The following GABRA2 variants were observed in gnomAD, a reference collection of about 807,000 sequenced individuals.
GABRA2 encodes gamma-aminobutyric acid receptor subunit alpha-2.
A neutral mutation model predicts 48.7 loss-of-function variants in GABRA2; 16 were observed. The observed-to-expected ratio is 0.33, with a 90% CI of 0.22 to 0.50. GABRA2 has a LOEUF of 0.50. Among genes scored for constraint, GABRA2 ranks in the 20% least tolerant of loss-of-function variants. GABRA2 has a pLI of 0.98. For synonymous variants in GABRA2, 185 were observed against 184.5 expected (o/e 1.00, Z -0.02); for missense variants, 275 against 535.6 (o/e 0.51, Z 4.80).
At chr4:46,278,568 A>G (rs1720938223) in intron 8 of GABRA2, among the ~76,000 whole-genome samples, 1 of 152,160 alleles carries the variant, frequency 6.6e-6, no homozygotes, top group South Asian at 2.1e-4. Context: ...GTACAATAAT[A>G]TCATTATTAA....
At chr4:46,381,274 T>A (rs1273158141) in intron 3 of GABRA2, among the ~76,000 whole-genome samples, 1 of 152,178 alleles carries the variant, frequency 6.6e-6, no homozygotes, top group African/African-American at 2.4e-5. Context: ...CTTTTATTCA[T>A]TTAACAATGT....
At position 46,246,795 on chromosome 4, in the gene GABRA2, G is replaced by A. The variant is rs1713789877; in HGVS notation, c.*3513C>T. ...ACAGACATGTGTCTGAGGGCATCAG[G>A]CATAGAATACATTAAACAAATTATT... On this transcript the variant is annotated 3_prime_UTR_variant, in exon 10 of 10. Transcript: ENST00000381620. Among the ~76,000 whole-genome samples, 1 of 151,086 alleles carries A rather than the reference G, an allele frequency of 6.6e-6. No individual in the cohort carries two copies. The highest frequency in any genetic ancestry group is 6.6e-5 in the Admixed American group (1 of 15,104).
intron 3 of GABRA2, among the ~76,000 whole-genome samples, chr4:46,340,219 T>C (rs1274236984): frequency 2.6e-5 from 4 of 151,860 alleles, no homozygotes; most frequent in African/African-American, 9.7e-5. Context: ...AAATAACAGA[T>C]TTATTCAGAT....
At chr4:46,288,881 T>C (rs1225553825) in intron 8 of GABRA2, among the ~76,000 whole-genome samples, 1 of 129,770 alleles carries the variant, frequency 7.7e-6, no homozygotes, top group Admixed American at 8.2e-5. Flanking sequence ...AAAAAAACAA[T>C]GAAAGTAGAC....
At chr4:46,264,127 T>C (rs1322622863) in intron 8 of GABRA2, among the ~76,000 whole-genome samples, 9 of 146,232 alleles carry the variant, frequency 6.2e-5, no homozygotes, top group African/African-American at 2.3e-4. Context: ...GTTGAGACTG[T>C]TCATTGCTTA....
chr4:46,262,152 G>A (rs1264683367), intron 8 of GABRA2, 24 bp from the exon 9 acceptor site: 25 of 1,600,394 alleles, frequency 1.6e-5, no homozygotes, highest in East Asian at 2.2e-5. Context: ...GATAGGAATC[G>A]AAAACATCAA....
intron 3 of GABRA2, among the ~76,000 whole-genome samples, chr4:46,360,129 T>C (rs1712926152): frequency 6.6e-6 from 1 of 152,200 alleles, no homozygotes; most frequent in African/African-American, 2.4e-5. Context: ...CAGCATTTCT[T>C]AAAGCTTATT....
intron 9 of GABRA2, among the ~76,000 whole-genome samples, chr4:46,258,009 A>G (rs1160742200): frequency 1.3e-5 from 2 of 151,766 alleles, no homozygotes; most frequent in African/African-American, 4.8e-5. Context: ...AGATATTGTT[A>G]TATTCAGGTT....
In GABRA2 at chr4:46,265,166, G is replaced by T. The variant is rs1263157397; in HGVS notation, c.857-3038C>A. On this transcript the variant is annotated intron_variant, in intron 8 of 9. Transcript: ENST00000381620. ...TTCTTGTGCCTCAGCACCCTGAGTA[G>T]CTGGGATTACAGGAGCACGCTACCA... Among the ~76,000 whole-genome samples the T allele has an allele frequency of 2.7e-5, 4 of 149,546 alleles. No homozygotes were observed. In the East Asian group the frequency reaches 7.9e-4, roughly 30 times the overall value.
chr4:46,273,554 G>A (rs1001766762), intron 8 of GABRA2, among the ~76,000 whole-genome samples: 206 of 83,450 alleles, frequency 2.5e-3, no homozygotes, highest in African/African-American at 7.1e-3. Context: ...AGAGGGATAC[G>A]TTTTGGAAAA....
chr4:46,322,137 A>G (rs1272354242), intron 4 of GABRA2, among the ~76,000 whole-genome samples: 1 of 151,130 alleles, frequency 6.6e-6, no homozygotes, highest in Non-Finnish European at 1.5e-5. Flanking sequence ...GAAGAGGAAG[A>G]GTAGATCTTG....
At chr4:46,312,845 C>T in intron 4 of GABRA2, 129 bp from the exon 5 acceptor site, 1 of 580,478 alleles carries the variant, frequency 1.7e-6, no homozygotes, top group Non-Finnish European at 2.9e-6. Flanking sequence ...CATTTTTAAT[C>T]AGAAAGATTA....
rs1488210612 is a variant in GABRA2 at position 46,247,482 on chromosome 4, T to C, written c.*2826A>G. Among the ~76,000 whole-genome samples, 1 of 151,124 alleles carries C rather than the reference T, an allele frequency of 6.6e-6. No individual in the cohort carries two copies. Among genetic ancestry groups the C allele is most frequent in the African/African-American group, 2.4e-5 (1 of 41,312 alleles). On this transcript the variant is annotated 3_prime_UTR_variant, in exon 10 of 10. Transcript: ENST00000381620. ...CAATTACAGGGCATGGCACAGGAGG[T>C]AAAAAATATTTTTGAATAAATATTA... is the stretch of plus-strand genomic sequence containing the variant.
chr4:46,379,912 A>G (rs1013765530), intron 3 of GABRA2, among the ~76,000 whole-genome samples: 2 of 151,998 alleles, frequency 1.3e-5, no homozygotes, highest in Non-Finnish European at 2.9e-5. Context: ...CCTCGCCTCC[A>G]CAGTTTTATA....
At chr4:46,315,139 G>GTTT (rs35565335) in intron 4 of GABRA2, among the ~76,000 whole-genome samples, 212 of 140,696 alleles carry the variant, frequency 1.5e-3, no homozygotes, top group East Asian at 3.6e-3. Context: ...GTCTGCATCT[G>GTTT]TTTTTTTTTT....
At chr4:46,291,869 T>A (rs1250499844) in intron 8 of GABRA2, among the ~76,000 whole-genome samples, 1 of 151,674 alleles carries the variant, frequency 6.6e-6, no homozygotes, top group South Asian at 2.1e-4. Context: ...TAATACAGAC[T>A]TTTGTGCCAG....
At chr4:46,365,253 C>T (rs532057659) in intron 3 of GABRA2, 33 of 152,234 alleles carry the variant, frequency 2.2e-4, no homozygotes, top group African/African-American at 7.5e-4. Context: ...TATTCCTTCT[C>T]ATTTAATTCT....
At position 46,388,713 on chromosome 4, in the gene GABRA2, C is replaced by G. The variant is rs201399644; in HGVS notation, c.-7G>C. 2 of 1,614,008 alleles carry G rather than the reference C, an allele frequency of 1.2e-6. No homozygotes were observed. The highest frequency in any genetic ancestry group is 2.2e-5 in the South Asian group (2 of 91,050). On this transcript the variant is annotated 5_prime_UTR_variant, in exon 2 of 10. Coordinates refer to ENST00000381620, the MANE Select transcript of GABRA2 (RefSeq NM_000807.4). ...TGTTCAATTTTGTCTTCATCACCGC[C>G]GCTCTTTACAAAGCCATGGAATGAA...
At chr4:46,287,271 G>A (rs549651343) in intron 8 of GABRA2, among the ~76,000 whole-genome samples, 7 of 137,302 alleles carry the variant, frequency 5.1e-5, no homozygotes, top group South Asian at 4.4e-4. Flanking sequence ...GGCAGGTAGC[G>A]TGATTCCTCC....
Sources: gnomAD v4.1 joint callset for allele counts (sites outside exome capture counted in the v4.1 genomes callset) on GRCh38, gnomAD v4.1.1 for gene constraint, MANE v1.5 for transcripts, NCBI Gene and HGNC (gene_info 2026-07-23, HGNC 2026-07-21) for gene names.